Variants in MYH9 observed in about 807,000 individuals in gnomAD.
MYH9 encodes myosin heavy chain 9.
A neutral mutation model predicts 241.9 loss-of-function variants in MYH9; 29 were observed. That is an observed-to-expected ratio of 0.12 (90% CI 0.09 to 0.16). The LOEUF is 0.16. Among genes scored for constraint, MYH9 ranks in the 10% least tolerant of loss-of-function variants. MYH9 has a pLI of 1.00. For missense variants in MYH9, 1,803 were observed against 2,595.5 expected, an observed-to-expected ratio of 0.69 and a Z score of 6.63; for synonymous variants, 1,047 against 1,062.6, an observed-to-expected ratio of 0.99 and a Z score of 0.29.
At chr22:36,287,441 T>C (rs528258872) in intron 34 of MYH9, among the ~76,000 whole-genome samples, 117 of 152,248 alleles carry the variant, frequency 7.7e-4, no homozygotes, top group Middle Eastern at 3.4e-3. Flanking sequence ...GTTTTTTTTT[T>C]ACACTTAACA....
chr22:36,302,467 G>C (rs2016894637), intron 20 of MYH9, 101 bp downstream of exon 20: 1 of 1,050,710 alleles, frequency 9.5e-7, no homozygotes, highest in African/African-American at 1.6e-5. Flanking sequence ...GGGCGACATG[G>C]TGAGACCACA....
At position 36,288,498 on chromosome 22, in the gene MYH9, G is replaced by T. The variant is rs1032187617; in HGVS notation, c.4771-85C>A. 6.4e-7 allele frequency: 1 copy of T among 1,561,460 alleles called. No homozygotes were observed. Among genetic ancestry groups the T allele is most frequent in the Non-Finnish European group, 8.7e-7 (1 of 1,145,882 alleles). ...CTCTGAACTCAGGAGCCTCAGGCCAGTTCTGCAGGATCCATGGGGCCTCGG... is the reference window on the plus strand; with the variant it reads ...CTCTGAACTCAGGAGCCTCAGGCCATTTCTGCAGGATCCATGGGGCCTCGG... On this transcript the variant is annotated intron_variant, in intron 33 of 40. Transcript: ENST00000216181. This position sits in a 1 kb window ranked among gnomAD's most constrained non-coding sequence, Gnocchi z 4.8.
intron 1 of MYH9, among the ~76,000 whole-genome samples, chr22:36,383,665 A>AAGG (rs1556648203): frequency 2.1e-5 from 3 of 142,456 alleles, no homozygotes; most frequent in Admixed American, 7.0e-5. Flanking sequence ...TTAAAAAAAA[A>AAGG]GGGGGGGGGG....
At chr22:36,331,773 C>T (rs2017424239) in intron 3 of MYH9, among the ~76,000 whole-genome samples, 1 of 152,218 alleles carries the variant, frequency 6.6e-6, no homozygotes, top group Non-Finnish European at 1.5e-5. Context: ...TCGGGCTCCA[C>T]CTGGGAGAGG....
chr22:36,382,527 G>C (rs372189859), intron 1 of MYH9, among the ~76,000 whole-genome samples: 1 of 150,886 alleles, frequency 6.6e-6, no homozygotes, highest in Non-Finnish European at 1.5e-5. Flanking sequence ...ATTTTGCTGG[G>C]TGTGGTGGCT....
At chr22:36,347,571 T>C (rs1275837148) in intron 2 of MYH9, among the ~76,000 whole-genome samples, 1 of 151,280 alleles carries the variant, frequency 6.6e-6, no homozygotes, top group Non-Finnish European at 1.5e-5. Context: ...CTGTCTCTAA[T>C]AAAAATATTA....
intron 1 of MYH9, among the ~76,000 whole-genome samples, chr22:36,369,455 C>A (rs2018059515): frequency 6.6e-6 from 1 of 152,224 alleles, no homozygotes; most frequent in South Asian, 2.1e-4. Context: ...GGGCTGAGAA[C>A]AGCATGCTGG....
At chr22:36,301,490 C>G in intron 21 of MYH9, 44 bp downstream of exon 21, 1 of 1,609,966 alleles carries the variant, frequency 6.2e-7, no homozygotes, top group Non-Finnish European at 8.5e-7. Flanking sequence ...GTGGCAGCAC[C>G]AGGCAGGTCG....
At chr22:36,334,705 G>A (rs528122668) in intron 3 of MYH9, among the ~76,000 whole-genome samples, 30 of 152,308 alleles carry the variant, frequency 2.0e-4, no homozygotes, top group East Asian at 1.2e-3. Flanking sequence ...CGTGGAAGGC[G>A]GGGCAGTTCA....
At chr22:36,326,038 G>T (rs536368290) in intron 5 of MYH9, among the ~76,000 whole-genome samples, 1 of 152,312 alleles carries the variant, frequency 6.6e-6, no homozygotes, top group Non-Finnish European at 1.5e-5. Flanking sequence ...CGAGGACACT[G>T]CTGGGTTCAA....
At chr22:36,368,936 A>C (rs928257358) in intron 1 of MYH9, among the ~76,000 whole-genome samples, 1 of 151,982 alleles carries the variant, frequency 6.6e-6, no homozygotes, top group Non-Finnish European at 1.5e-5. Flanking sequence ...GGGGGGCTCT[A>C]ATTTCAACCT....
At position 36,320,357 on chromosome 22, in the gene MYH9, A is replaced by G; in HGVS notation, c.875T>C (p.Leu292Pro). The G allele has an allele frequency of 6.2e-7, 1 of 1,613,636 alleles. No homozygotes were observed. The highest frequency in any genetic ancestry group is 1.1e-5 in the South Asian group (1 of 91,082). Residue 292 changes from leucine (L) to proline (P), a missense_variant, in exon 9 of 41, where the codon CTC becomes CCC. Around this residue, in one of 11 missense-constraint regions of MYH9, gnomAD observed 222 missense variants for 359.9 expected, o/e 0.62. Transcript: ENST00000216181. The surrounding 1 kb of genome is among the most constrained non-coding windows in gnomAD (Gnocchi z 4.8). ...GTATTTGTTGTACGGCTCCAACAGG[A>G]GATCGGCTGTAAGGGGTGGAGGGCA... ...SGAGEHLKTD[L>P]LLEPYNKYRF... is the part of the protein sequence containing the mutation.
At position 36,360,030 on chromosome 22, in the gene MYH9, ACACCACCACCACCACCAC is replaced by A. The variant is rs136207; in HGVS notation, c.-19-10793_-19-10776del. On this transcript the variant is annotated intron_variant, in intron 1 of 40. Transcript: ENST00000216181. The stretch of plus-strand genomic sequence containing the variant: ...TTTCCTAGCTTTAGAATGAGGACAA[ACACCACCACCACCACCAC>A]CACCACCACCACCACCACCACCACC... 7.8e-5 allele frequency among the ~76,000 whole-genome samples: 8 copies of A among 102,160 alleles called. 1 individual carries two copies. Among genetic ancestry groups the A allele is most frequent in the Admixed American group, 3.5e-4 (3 of 8,462 alleles). 67.0% of individuals were successfully genotyped at this position (102,160 alleles called of 152,430 possible).
Position 36,281,391 on chromosome 22 carries a change from G to A in MYH9, c.*1277C>T. The A allele has an allele frequency of 4.4e-6, 1 of 226,658 alleles. No homozygotes were observed. The highest frequency in any genetic ancestry group is 6.4e-5 in the East Asian group (1 of 15,708). The allele number at this position is 226,658 out of a possible 1,614,324, so 14.0% of individuals were successfully genotyped here. A position where few individuals can be genotyped will look rare whatever the true frequency, so the allele number is the denominator to read the frequency against. Reference sequence around the variant, plus strand: ...AAGGCACTTTTATTATATAAAAAAGGGGGTAGGGTGGGAGTTTCACTCACT... The same window carrying A: ...AAGGCACTTTTATTATATAAAAAAGAGGGTAGGGTGGGAGTTTCACTCACT... On this transcript the variant is annotated 3_prime_UTR_variant, in exon 41 of 41. Coordinates refer to ENST00000216181, the MANE Select transcript of MYH9 (RefSeq NM_002473.6).
chr22:36,337,016 C>T (rs73167640), intron 3 of MYH9, among the ~76,000 whole-genome samples: 63 of 152,334 alleles, frequency 4.1e-4, no homozygotes, highest in Non-Finnish European at 7.8e-4. Flanking sequence ...AGCACTAATC[C>T]ATCTCAGAAT....
rs539743436 is a variant in MYH9, at chr22:36,336,342, G to A, written c.490+5028C>T. Reference sequence around the variant, plus strand: ...GGAGACCCCAGAGGGTCTGGCCCGGGATCCAGAAGCACCATTTCCTAGGCG... The same window carrying A: ...GGAGACCCCAGAGGGTCTGGCCCGGAATCCAGAAGCACCATTTCCTAGGCG... On this transcript the variant is annotated intron_variant, in intron 3 of 40. Coordinates refer to ENST00000216181, the MANE Select transcript of MYH9 (RefSeq NM_002473.6). Among the ~76,000 whole-genome samples, 13 of 152,324 alleles carry A rather than the reference G, an allele frequency of 8.5e-5. No individual in the cohort carries two copies. The South Asian group carries it at 1.7e-3, about 19-fold the overall frequency.
Position 36,293,767 on chromosome 22 carries a change from C to T in MYH9, c.3934G>A (p.Asp1312Asn). ...DFSALESQLQ[D>N]TQELLQEENR... ...CCTGGCGCCACCCCTACCTGAGTGT[C>T]CTGCAGCTGGGACTCCAGCGCGGAG... The change falls in exon 29 of 41, where the codon GAC becomes AAC. Residue 1312 changes from aspartate (D) to asparagine (N), a missense_variant. Physicochemically the swap from Asp to Asn is conservative, Grantham distance 23. This residue lies in a region of MYH9 where 876 missense variants were observed against 1,077.8 expected (regional missense o/e 0.81). Coordinates refer to ENST00000216181, the MANE Select transcript of MYH9 (RefSeq NM_002473.6). The surrounding 1 kb of genome is among the most constrained non-coding windows in gnomAD (Gnocchi z 5.1). 6.2e-7 allele frequency: 1 copy of T among 1,613,816 alleles called. No homozygotes were observed. Among genetic ancestry groups the T allele is most frequent in the Non-Finnish European group, 8.5e-7 (1 of 1,179,982 alleles).
intron 3 of MYH9, 44 bp from the exon 4 acceptor site, chr22:36,327,532 A>C (rs1303120740): frequency 3.7e-6 from 6 of 1,612,486 alleles, no homozygotes; most frequent in Non-Finnish European, 5.1e-6. Context: ...CAGATGCAAA[A>C]GCCTCCCCAC....
chr22:36,310,269 CAAA>C (rs575607583), intron 14 of MYH9, among the ~76,000 whole-genome samples: 5 of 133,936 alleles, frequency 3.7e-5, no homozygotes, highest in Non-Finnish European at 4.6e-5. Context: ...GACTCCGTCT[CAAA>C]AAAAAAAAAA....
Sources: allele counts gnomAD v4.1 joint callset (sites outside exome capture counted in the v4.1 genomes callset), GRCh38; gene constraint gnomAD v4.1.1; regional missense constraint gnomAD v4.1.1; non-coding constraint Gnocchi (gnomAD v3.1); transcripts MANE v1.5; gene names NCBI Gene and HGNC (gene_info 2026-07-23, HGNC 2026-07-21).